The following SYTL2 variants were observed in gnomAD, a reference collection of about 807,000 sequenced individuals.
SYTL2 encodes the protein synaptotagmin-like protein 2.
A neutral mutation model predicts 198.7 loss-of-function variants in SYTL2; 165 were observed. That is an observed-to-expected ratio of 0.83 (90% CI 0.73 to 0.94). SYTL2 has a LOEUF of 0.94. Among genes scored for constraint, SYTL2 ranks in the 40% least tolerant of loss-of-function variants. SYTL2 has a pLI of 0.00. For missense variants in SYTL2, 2,835 were observed against 2,582.8 expected, an observed-to-expected ratio of 1.10 and a Z score of -2.12; for synonymous variants, 966 against 917.7, an observed-to-expected ratio of 1.05 and a Z score of -0.95.
chr11:85,768,357 T>C lies in SYTL2; in HGVS notation c.-389-10243A>G, dbSNP rs138133501. 8.1e-3 allele frequency among the ~76,000 whole-genome samples: 1,234 copies of C among 152,366 alleles called. 7 individuals carry two copies. Among genetic ancestry groups the C allele is most frequent in the Non-Finnish European group, 0.012 (844 of 68,038 alleles). The stretch of plus-strand genomic sequence containing the variant: ...CACTTGTAGCTTTGGAGTCAAAAGA[T>C]AATTGAAAGTGGATTAATCTATTAG... On this transcript the variant is annotated intron_variant, in intron 1 of 19. Coordinates refer to ENST00000359152, the MANE Select transcript of SYTL2 (RefSeq NM_206927.4).
At position 85,724,360 on chromosome 11, in the gene SYTL2, T is replaced by C; in HGVS notation, c.4998A>G (p.Gln1666=). Residue 1666 remains glutamine (Q), a synonymous_variant, in exon 8 of 20, where the codon CAA becomes CAG. Transcript: ENST00000359152. Reference sequence around the variant, plus strand: ...TCCCTATTTCATGAGCCACATAAAGTTGTGGGGTTCTAGGGATCTCAACTC... The same window carrying C: ...TCCCTATTTCATGAGCCACATAAAGCTGTGGGGTTCTAGGGATCTCAACTC... ...RSGVEIPRTP[Q]LYVAHEIGTI... 6.3e-7 allele frequency: 1 copy of C among 1,588,524 alleles called. No individual in the cohort carries two copies. The highest frequency in any genetic ancestry group is 1.2e-5 in the South Asian group (1 of 85,650).
In SYTL2 at chr11:85,789,365, T is replaced by TATATATAC. The variant is rs1566026208; in HGVS notation, c.-390+21588_-390+21589insGTATATAT. Reference sequence around the variant, plus strand: ...GTATATATATATATATATATATATATATATATATATATGTATATATATATA... The same window carrying TATATATAC: ...GTATATATATATATATATATATATATATATATACATATATATATATGTATATATATATA... On this transcript the variant is annotated intron_variant, in intron 1 of 19. Coordinates refer to ENST00000359152, the MANE Select transcript of SYTL2 (RefSeq NM_206927.4). 2.7e-3 allele frequency among the ~76,000 whole-genome samples: 172 copies of TATATATAC among 62,644 alleles called. 2 individuals carry two copies. The highest frequency in any genetic ancestry group is 9.9e-3 in the African/African-American group (152 of 15,390). 41.1% of individuals were successfully genotyped at this position (62,644 alleles called of 152,430 possible).
chr11:85,833,624 C>T, the SYTL2 span, among the ~76,000 whole-genome samples: 1 of 151,550 alleles, frequency 6.6e-6, no homozygotes, highest in African/African-American at 2.4e-5. Flanking sequence ...ATAAGAAAAC[C>T]TCACACATAA....
the SYTL2 span, among the ~76,000 whole-genome samples, chr11:85,845,727 TGAAA>T: frequency 6.6e-6 from 1 of 152,084 alleles, no homozygotes; most frequent in African/African-American, 2.4e-5. Flanking sequence ...GCTAGCACAG[TGAAA>T]CCTGGTCTCT....
At chr11:85,842,085 C>G in the SYTL2 span, among the ~76,000 whole-genome samples, 2 of 152,342 alleles carry the variant, frequency 1.3e-5, no homozygotes, top group South Asian at 4.1e-4. Context: ...GAGACATGGT[C>G]TACACCCTTA....
chr11:85,726,531 C>T lies in SYTL2; in HGVS notation c.2827G>A (p.Ala943Thr), dbSNP rs746033585. The T allele has an allele frequency of 3.1e-6, 5 of 1,602,248 alleles. No homozygotes were observed. In the Admixed American group the frequency reaches 6.7e-5, roughly 21 times the overall value. Residue 943 changes from alanine (A) to threonine (T), a missense_variant, in exon 8 of 20, where the codon GCT becomes ACT. Transcript: ENST00000359152. ...AGAGGTCTGTCTTTCTCCAATGGAGCATGTCGTTCACTCCCGACATTTGAG... is the reference window on the plus strand; with the variant it reads ...AGAGGTCTGTCTTTCTCCAATGGAGTATGTCGTTCACTCCCGACATTTGAG... The part of the protein sequence containing the change: ...PPSNVGSERH[A>T]PLEKDRPLVR...
the SYTL2 span, chr11:85,853,168 C>A: frequency 2.8e-6 from 1 of 359,838 alleles, no homozygotes. Context: ...GCGTACCCAA[C>A]AGCTCATTGA....
intron 1 of SYTL2, among the ~76,000 whole-genome samples, chr11:85,786,897 C>T (rs1325410842): frequency 6.6e-6 from 1 of 152,184 alleles, no homozygotes; most frequent in Non-Finnish European, 1.5e-5. Context: ...GTTTGATACC[C>T]TCTCAGTGCC....
intron 17 of SYTL2, among the ~76,000 whole-genome samples, chr11:85,698,721 T>C (rs537284575): frequency 6.6e-6 from 1 of 152,304 alleles, no homozygotes; most frequent in East Asian, 1.9e-4. Context: ...TAAATTTTTG[T>C]AGAGACAGAG....
intron 17 of SYTL2, among the ~76,000 whole-genome samples, 169 bp downstream of exon 17, chr11:85,700,346 A>G (rs2084087259): frequency 1.3e-5 from 2 of 150,958 alleles, no homozygotes; most frequent in South Asian, 4.2e-4. Context: ...TTGCCACAAT[A>G]ACAAAAAAAG....
intron 4 of SYTL2, among the ~76,000 whole-genome samples, chr11:85,738,778 C>T (rs1054396145): frequency 7.9e-5 from 12 of 152,130 alleles, no homozygotes; most frequent in Admixed American, 1.3e-4. Flanking sequence ...AAAGCAGTTA[C>T]ATAATCAGAA....
intron 1 of SYTL2, among the ~76,000 whole-genome samples, chr11:85,797,705 T>C (rs976853568): frequency 6.6e-6 from 1 of 152,034 alleles, no homozygotes; most frequent in African/African-American, 2.4e-5. Flanking sequence ...AGCTACAGCC[T>C]ATGTGATCTA....
the SYTL2 span, among the ~76,000 whole-genome samples, chr11:85,834,672 C>A: frequency 6.6e-6 from 1 of 152,182 alleles, no homozygotes; most frequent in African/African-American, 2.4e-5. Flanking sequence ...TGCCCAACTG[C>A]AAGCTAATGT....
At chr11:85,817,757 G>C in the SYTL2 span, among the ~76,000 whole-genome samples, 1 of 152,132 alleles carries the variant, frequency 6.6e-6, no homozygotes. Context: ...CAGGATAAGA[G>C]AGTCATGTTG....
chr11:85,841,192 A>G, the SYTL2 span, among the ~76,000 whole-genome samples: 1 of 152,230 alleles, frequency 6.6e-6, no homozygotes, highest in East Asian at 1.9e-4. Flanking sequence ...GAGGTTACAG[A>G]GAAAAAGGAA....
Position 85,736,577 on chromosome 11 carries a change from T to C in SYTL2, c.510A>G (p.Glu170=), listed in dbSNP as rs755658583. 5.0e-6 allele frequency: 8 copies of C among 1,605,902 alleles called. No homozygotes were observed. Among genetic ancestry groups the C allele is most frequent in the Non-Finnish European group, 6.8e-6 (8 of 1,173,778 alleles). Residue 170 remains glutamate, a synonymous_variant, in exon 6 of 20, where the codon GAA becomes GAG. Coordinates refer to ENST00000359152, the MANE Select transcript of SYTL2 (RefSeq NM_206927.4). ...KNPFNSSKLP[E]GHSSQQTKNE... ...TTTTAGTTTGTTGTGATGAGTGACC[T>C]TCTGGCAACTTGGAGCTATTAAACG... is the stretch of plus-strand genomic sequence containing the variant.
chr11:85,747,002 C>T (rs7946866), intron 3 of SYTL2, among the ~76,000 whole-genome samples: 8,418 of 152,174 alleles, frequency 0.055, 749 homozygotes, highest in African/African-American at 0.19. Context: ...AAATTAAATG[C>T]CTATCCTATA....
intron 6 of SYTL2, among the ~76,000 whole-genome samples, chr11:85,735,267 T>A (rs1489001991): frequency 7.2e-5 from 11 of 152,204 alleles, no homozygotes; most frequent in African/African-American, 2.7e-4. Context: ...CATTTAAGAT[T>A]ACTGTGCTTT....
At chr11:85,848,811 T>C in the SYTL2 span, among the ~76,000 whole-genome samples, 1 of 152,230 alleles carries the variant, frequency 6.6e-6, no homozygotes, top group African/African-American at 2.4e-5. Flanking sequence ...TCCAGCTTAC[T>C]GTCCTGGGCT....
Sources: allele counts gnomAD v4.1 joint callset (sites outside exome capture counted in the v4.1 genomes callset), GRCh38; gene constraint gnomAD v4.1.1; transcripts MANE v1.5; gene names NCBI Gene and HGNC (gene_info 2026-07-23, HGNC 2026-07-21).